REV1: variants seen among roughly 807,000 people sequenced by gnomAD.
REV1 encodes the protein REV1 DNA directed polymerase.
Under a neutral mutation model 137.4 loss-of-function variants are expected in REV1, and 42 were observed. That is an observed-to-expected ratio of 0.31 (90% CI 0.24 to 0.40). The LOEUF (loss-of-function observed/expected upper bound fraction) is 0.40. Among genes scored for constraint, REV1 ranks in the 10% least tolerant of loss-of-function variants. The probability of loss-of-function intolerance (pLI) is 1.00; values close to 1 mark genes in which losing one functional copy is unlikely to be tolerated. For synonymous variants in REV1, 524 were observed against 519.2 expected, an observed-to-expected ratio of 1.01 and a Z score of -0.12; for missense variants, 1,282 against 1,490.1, an observed-to-expected ratio of 0.86 and a Z score of 2.30.
rs925298144 is a variant in REV1, at chr2:99,479,557, T to C, written c.-11+10260A>G. Among the ~76,000 whole-genome samples the C allele has an allele frequency of 3.9e-5, 6 of 152,044 alleles. No homozygotes were observed. The South Asian group carries it at 6.2e-4, about 16-fold the overall frequency. ...TATGAGATCTGTAATCCCAGCATTT[T>C]TGGAGGCCAAGGTGGGAAGATCTCT... On this transcript the variant is annotated intron_variant, in intron 1 of 22. Coordinates refer to ENST00000258428, the MANE Select transcript of REV1 (RefSeq NM_016316.4).
intron 8 of REV1, 21 bp from the exon 9 acceptor site, chr2:99,429,969 T>G (rs773244384): frequency 1.4e-6 from 2 of 1,429,872 alleles, no homozygotes; most frequent in Admixed American, 2.1e-5. Flanking sequence ...AAAAAAAAAT[T>G]AATGGTTATA....
chr2:99,489,688 AC>A (rs1225863300), intron 1 of REV1, 128 bp downstream of exon 1: 1 of 148,122 alleles, frequency 6.8e-6, no homozygotes, highest in Admixed American at 6.7e-5. Context: ...GGGGCGACGC[AC>A]CCCTCCCCCG....
intron 3 of REV1, among the ~76,000 whole-genome samples, chr2:99,462,147 C>A (rs1368905978): frequency 6.6e-6 from 1 of 152,096 alleles, no homozygotes; most frequent in African/African-American, 2.4e-5. Flanking sequence ...ACACACCACC[C>A]CACCCTAAAG....
intron 14 of REV1, among the ~76,000 whole-genome samples, chr2:99,409,002 C>G (rs1676724923): frequency 6.6e-6 from 1 of 152,120 alleles, no homozygotes. Context: ...GAAATAACCA[C>G]TAAAAGCTGA....
intron 12 of REV1, among the ~76,000 whole-genome samples, 190 bp from the exon 13 acceptor site, chr2:99,413,141 TA>T (rs1677409580): frequency 6.6e-6 from 1 of 152,244 alleles, no homozygotes; most frequent in African/African-American, 2.4e-5. Context: ...GATGTATTTC[TA>T]GACTCTACTT....
rs775908583 is a variant in REV1, at chr2:99,442,451, G to T, written c.369C>A (p.Leu123=). 3 of 1,613,484 alleles carry T rather than the reference G, an allele frequency of 1.9e-6. No homozygotes were observed. The highest frequency in any genetic ancestry group is 1.1e-5 in the South Asian group (1 of 90,980). ...WIVESIKAGR[L]LSYIPYQLYT... is the part of the protein sequence containing the mutation. The stretch of plus-strand genomic sequence containing the variant: ...ACAGCTGATATGGAATGTAGGAGAG[G>T]AGTCGTCCAGCTTTGATGCTGAAAC... The change falls in exon 5 of 23, where the codon CTC becomes CTA. Residue 123 remains leucine (L), a synonymous_variant. Transcript: ENST00000258428.
At chr2:99,432,518 A>G (rs1441038912) in intron 8 of REV1, among the ~76,000 whole-genome samples, 6 of 152,230 alleles carry the variant, frequency 3.9e-5, no homozygotes, top group Non-Finnish European at 5.9e-5. Flanking sequence ...AAACTTTATA[A>G]TAAAGGATAA....
At chr2:99,452,880 G>C (rs1367582323) in intron 3 of REV1, among the ~76,000 whole-genome samples, 2 of 152,192 alleles carry the variant, frequency 1.3e-5, no homozygotes, top group Non-Finnish European at 2.9e-5. Context: ...TCCAAAGCAG[G>C]AATGACTAAG....
intron 1 of REV1, among the ~76,000 whole-genome samples, chr2:99,489,123 G>GT (rs1364717237): frequency 6.6e-6 from 1 of 152,204 alleles, no homozygotes; most frequent in Non-Finnish European, 1.5e-5. Context: ...CGGCGTCACT[G>GT]TAACAGTACA....
intron 9 of REV1, among the ~76,000 whole-genome samples, chr2:99,429,141 A>C (rs1022786217): frequency 6.6e-6 from 1 of 152,228 alleles, no homozygotes; most frequent in African/African-American, 2.4e-5. Flanking sequence ...AGGAAAAAAA[A>C]ATGAAGACTT....
At chr2:99,403,163 G>T in intron 19 of REV1, 57 bp from the exon 20 acceptor site, 1 of 1,368,268 alleles carries the variant, frequency 7.3e-7, no homozygotes, top group Non-Finnish European at 9.9e-7. Flanking sequence ...TAGTCTGGAT[G>T]ACAGTATTGG....
At chr2:99,407,904 A>AC in intron 15 of REV1, 125 bp downstream of exon 15, 1 of 468,682 alleles carries the variant, frequency 2.1e-6, no homozygotes, top group Non-Finnish European at 3.7e-6. Context: ...TCCTTGTATT[A>AC]CAAAGCAGCT....
Position 99,402,357 on chromosome 2 carries a change from G to A in REV1, c.3542-11C>T, listed in dbSNP as rs1403665699. 2.2e-6 allele frequency: 3 copies of A among 1,334,884 alleles called. No individual in the cohort carries two copies. The allele number at this position is 1,334,884 out of a possible 1,614,324, so 82.7% of individuals were successfully genotyped here. ...CTTCTTCCATTGGATCTAGGAAGGG[G>A]GAAAAACTTCAAATGAGGACCAGTC... is the stretch of plus-strand genomic sequence containing the variant. On this transcript the variant is annotated splice_polypyrimidine_tract_variant and intron_variant, in intron 21 of 22. Transcript: ENST00000258428.
At chr2:99,471,181 CCT>C (rs1215481740) in intron 1 of REV1, among the ~76,000 whole-genome samples, 21 of 152,298 alleles carry the variant, frequency 1.4e-4, no homozygotes, top group Non-Finnish European at 2.5e-4. Flanking sequence ...CTACTCAACA[CCT>C]CTCTGTTTTC....
At chr2:99,480,621 C>T (rs2104247951) in intron 1 of REV1, among the ~76,000 whole-genome samples, 1 of 152,280 alleles carries the variant, frequency 6.6e-6, no homozygotes, top group South Asian at 2.1e-4. Flanking sequence ...CACAAGGTAA[C>T]TGGCATAAAC....
chr2:99,410,482 C>T lies in REV1; in HGVS notation c.2345+213G>A, dbSNP rs142593695. On this transcript the variant is annotated intron_variant, in intron 14 of 22. Transcript: ENST00000258428. ...CAAAGGCTGCCAAGGTCAGCAATGC[C>T]GTCAAACCAACCTCCTGTGTGTGGG... Among the ~76,000 whole-genome samples the T allele has an allele frequency of 3.9e-5, 6 of 152,278 alleles. No homozygotes were observed. The East Asian group carries it at 7.7e-4, about 20-fold the overall frequency.
chr2:99,447,744 C>CG (rs1682406122), intron 4 of REV1, among the ~76,000 whole-genome samples: 1 of 150,368 alleles, frequency 6.7e-6, no homozygotes, highest in Non-Finnish European at 1.5e-5. Flanking sequence ...TTTCCTGAGA[C>CG]GGAGTCTTTC....
chr2:99,416,930 A>AAAAAG (rs1553544213), intron 12 of REV1, among the ~76,000 whole-genome samples: 4 of 151,200 alleles, frequency 2.6e-5, no homozygotes, highest in Admixed American at 2.6e-4. Context: ...AAAAAAAAAA[A>AAAAAG]AAAGAAATAA....
At chr2:99,465,037 T>G in intron 1 of REV1, 52 bp from the exon 2 acceptor site, 1 of 1,362,688 alleles carries the variant, frequency 7.3e-7, no homozygotes, top group Non-Finnish European at 1.0e-6. Context: ...AATGTATTTC[T>G]AAATGATATT....
Sources: allele counts gnomAD v4.1 joint callset (sites outside exome capture counted in the v4.1 genomes callset), GRCh38; gene constraint gnomAD v4.1.1; transcripts MANE v1.5; gene names NCBI Gene and HGNC (gene_info 2026-07-23, HGNC 2026-07-21).